The following LRP5 variants were observed in gnomAD, a reference collection of about 807,000 sequenced individuals.
LRP5 encodes the protein LDL receptor related protein 5, also known as low-density lipoprotein receptor-related protein 5.
Under a neutral mutation model 154.1 loss-of-function variants are expected in LRP5, and 62 were observed. That is an observed-to-expected ratio of 0.40 (90% CI 0.33 to 0.50). LRP5 has a LOEUF of 0.50. LRP5 is among the 20% of genes least tolerant of loss of function. The pLI is 0.55. For synonymous variants in LRP5, 966 were observed against 1,011.5 expected (o/e 0.96, Z 0.85); for missense variants, 1,915 against 2,336.7 (o/e 0.82, Z 3.72).
chr11:68,447,447 A>G lies in LRP5; in HGVS notation c.4586+914A>G, dbSNP rs2098682056. On this transcript the variant is annotated intron_variant, in intron 22 of 22. Transcript: ENST00000294304. This position sits in a 1 kb window ranked among gnomAD's most constrained non-coding sequence, Gnocchi z 4.3. ...GGCCTGGCTGGGGAGCCGGAACTGC[A>G]GCCTCCATTTCCACCCCACTCCGGG... Among the ~76,000 whole-genome samples, 2 of 152,072 alleles carry G rather than the reference A, an allele frequency of 1.3e-5. No individual in the cohort carries two copies. Among genetic ancestry groups the G allele is most frequent in the Admixed American group, 1.3e-4 (2 of 15,276 alleles).
intron 14 of LRP5, among the ~76,000 whole-genome samples, chr11:68,424,609 G>C (rs901093890): frequency 6.6e-6 from 1 of 152,240 alleles, no homozygotes; most frequent in Non-Finnish European, 1.5e-5. Flanking sequence ...CCAGAAGCCA[G>C]GTGGCTGAGA....
intron 7 of LRP5, among the ~76,000 whole-genome samples, chr11:68,402,010 T>C (rs1383820214): frequency 1.3e-5 from 2 of 152,218 alleles, no homozygotes; most frequent in Non-Finnish European, 2.9e-5. Flanking sequence ...AGCTTTGTCC[T>C]GTGCCATCCA....
At chr11:68,315,024 G>GA (rs1369500913) in intron 1 of LRP5, among the ~76,000 whole-genome samples, 1 of 152,244 alleles carries the variant, frequency 6.6e-6, no homozygotes, top group African/African-American at 2.4e-5. Context: ...ACACACGGGT[G>GA]GGGGATGTAG....
intron 2 of LRP5, among the ~76,000 whole-genome samples, chr11:68,351,605 G>A (rs1055490340): frequency 3.9e-5 from 6 of 152,142 alleles, no homozygotes; most frequent in Non-Finnish European, 7.4e-5. Context: ...CCCTCCCAGC[G>A]TGGGTCGCTG....
At chr11:68,380,931 G>T (rs147312171) in intron 5 of LRP5, among the ~76,000 whole-genome samples, 1 of 152,350 alleles carries the variant, frequency 6.6e-6, no homozygotes, top group African/African-American at 2.4e-5. Context: ...ATATGCTAAA[G>T]GTCTAACCCC....
chr11:68,448,730 T>C (rs2098682763), intron 22 of LRP5, 79 bp from the exon 23 acceptor site: 2 of 1,567,782 alleles, frequency 1.3e-6, no homozygotes, highest in Non-Finnish European at 1.7e-6. Flanking sequence ...GCCTTTCCCG[T>C]TCACAGCCCC....
At chr11:68,389,726 A>G (rs2098645289) in intron 6 of LRP5, among the ~76,000 whole-genome samples, 155 bp from the exon 7 acceptor site, 1 of 152,114 alleles carries the variant, frequency 6.6e-6, no homozygotes. Context: ...ACCGACATTT[A>G]CGAGCACCGA....
rs1395259123 is a variant in LRP5 at position 68,387,740 on chromosome 11, G to A, written c.1412+1028G>A. Among the ~76,000 whole-genome samples the A allele has an allele frequency of 3.9e-5, 6 of 152,340 alleles. No individual in the cohort carries two copies. The East Asian group carries it at 1.2e-3, about 29-fold the overall frequency. On this transcript the variant is annotated intron_variant, in intron 6 of 22. Transcript: ENST00000294304. The stretch of plus-strand genomic sequence containing the variant: ...ATGGGAAAACCCTGATGGAGGAGGC[G>A]CAGTGGAGCTGTGGGTGCCGATGGG...
intron 3 of LRP5, among the ~76,000 whole-genome samples, chr11:68,358,733 T>C (rs1204662410): frequency 1.3e-5 from 2 of 152,230 alleles, no homozygotes. Context: ...AGCCTTCTGG[T>C]CAGCATAGCT....
At position 68,438,595 on chromosome 11, in the gene LRP5, C is replaced by T. The variant is rs2098676367; in HGVS notation, c.4261C>T (p.Pro1421Ser). The T allele has an allele frequency of 6.2e-7, 1 of 1,613,876 alleles. No homozygotes were observed. The highest frequency in any genetic ancestry group is 1.1e-5 in the South Asian group (1 of 91,090). Residue 1421 changes from proline to serine, a missense_variant, in exon 20 of 23, where the codon CCC becomes TCC. Physicochemically the swap from Pro to Ser is moderately conservative, Grantham distance 74 (BLOSUM62 -1). Transcript: ENST00000294304. ...VCQRYAGANG[P>S]FPHEYVSGTP... ...CCAGCGCTATGCGGGGGCCAACGGGCCCTTCCCGCACGAGTATGTCAGCGG... is the reference window on the plus strand; with the variant it reads ...CCAGCGCTATGCGGGGGCCAACGGGTCCTTCCCGCACGAGTATGTCAGCGG...
chr11:68,348,161 A>C lies in LRP5; in HGVS notation c.406A>C (p.Asn136His), dbSNP rs753400613. ...DSETNRIEVANLNGTSRKVLF... is the reference protein window; with the variant it reads ...DSETNRIEVAHLNGTSRKVLF... ...AGAGACCAACCGCATCGAGGTGGCC[A>C]ACCTCAATGGCACATCCCGGAAGGT... is the stretch of plus-strand genomic sequence containing the variant. Residue 136 changes from asparagine (N) to histidine (H), a missense_variant, in exon 2 of 23, where the codon AAC becomes CAC. By Grantham distance (68) the Asn-to-His change is moderately conservative (BLOSUM62 1). This residue lies in a region of LRP5 where 773 missense variants were observed against 1,100.9 expected (regional missense o/e 0.70). Transcript: ENST00000294304. 1 of 1,613,814 alleles carries C rather than the reference A, an allele frequency of 6.2e-7. No homozygotes were observed. Among genetic ancestry groups the C allele is most frequent in the Non-Finnish European group, 8.5e-7 (1 of 1,180,060 alleles).
chr11:68,379,749 G>A (rs1225307584), intron 5 of LRP5, among the ~76,000 whole-genome samples: 2 of 152,200 alleles, frequency 1.3e-5, no homozygotes, highest in Non-Finnish European at 2.9e-5. Flanking sequence ...TAAGGGACAA[G>A]TACAGAGAGT....
intron 7 of LRP5, among the ~76,000 whole-genome samples, chr11:68,403,138 G>A (rs1358163223): frequency 3.9e-5 from 6 of 152,098 alleles, no homozygotes; most frequent in Admixed American, 1.3e-4. Context: ...CGAGCTACTC[G>A]GGAGGCTGAG....
At chr11:68,383,159 T>A (rs1247868686) in intron 5 of LRP5, among the ~76,000 whole-genome samples, 1 of 152,144 alleles carries the variant, frequency 6.6e-6, no homozygotes, top group Non-Finnish European at 1.5e-5. Flanking sequence ...ATTACAAGCA[T>A]GAGCCACCGC....
In LRP5 at chr11:68,353,559, G is replaced by A. The variant is rs777462459; in HGVS notation, c.489-4091G>A. 1.3e-5 allele frequency among the ~76,000 whole-genome samples: 2 copies of A among 152,184 alleles called. No individual in the cohort carries two copies. The highest frequency in any genetic ancestry group is 2.9e-5 in the Non-Finnish European group (2 of 68,032). On this transcript the variant is annotated intron_variant, in intron 2 of 22. Transcript: ENST00000294304. This position sits in a 1 kb window ranked among gnomAD's most constrained non-coding sequence, Gnocchi z 4.5. ...ATAAGTGTGGGCGCTGAGTCCTGGG[G>A]CAGGACTGCTGTCCTGAGAGTGGGG...
chr11:68,386,536 C>T lies in LRP5; in HGVS notation c.1236C>T (p.Asn412=), dbSNP rs1591261763. ...GGTCTGGGGCGCAGACGCTGGTCAA[C>T]ACCGAGATCAACGACCCCGATGGCA... The part of the protein sequence containing the change: ...LDGSGAQTLV[N]TEINDPDGIA... The change falls in exon 6 of 23, where the codon AAC becomes AAT. Residue 412 remains asparagine (N), a synonymous_variant. Transcript: ENST00000294304. This position sits in a 1 kb window ranked among gnomAD's most constrained non-coding sequence, Gnocchi z 7.9. 6.2e-7 allele frequency: 1 copy of T among 1,613,980 alleles called. No individual in the cohort carries two copies.
At chr11:68,371,126 CA>C (rs2098633786) in intron 5 of LRP5, among the ~76,000 whole-genome samples, 1 of 152,124 alleles carries the variant, frequency 6.6e-6, no homozygotes, top group Non-Finnish European at 1.5e-5. Flanking sequence ...TGAAGTGTTC[CA>C]GGGGCAGCTG....
chr11:68,305,722 C>T, the LRP5 span, among the ~76,000 whole-genome samples: 7 of 152,160 alleles, frequency 4.6e-5, no homozygotes, highest in Non-Finnish European at 2.9e-5. Context: ...GGATTACAGG[C>T]GTGAGCCACC....
chr11:68,347,333 A>G (rs941905682), intron 1 of LRP5, among the ~76,000 whole-genome samples: 2 of 152,222 alleles, frequency 1.3e-5, no homozygotes, highest in Admixed American at 6.5e-5. Flanking sequence ...ACAGTGGTCA[A>G]AGACTTGTAA....
Sources: gnomAD v4.1 joint callset for allele counts (sites outside exome capture counted in the v4.1 genomes callset) on GRCh38, gnomAD v4.1.1 for gene constraint, gnomAD v4.1.1 regional missense constraint, Gnocchi (gnomAD v3.1) non-coding constraint, MANE v1.5 for transcripts, NCBI Gene and HGNC (gene_info 2026-07-23, HGNC 2026-07-21) for gene names.